Variants in CTNND2 observed in about 807,000 individuals in gnomAD.
CTNND2 encodes the protein catenin delta-2.
Under a neutral mutation model 144.4 loss-of-function variants are expected in CTNND2, and 22 were observed. That is an observed-to-expected ratio of 0.15 (90% CI 0.11 to 0.22). The LOEUF (loss-of-function observed/expected upper bound fraction) is 0.22. Ranked by LOEUF, CTNND2 falls within the 10% of genes least tolerant of loss-of-function variation. The probability of loss-of-function intolerance (pLI) is 1.00; values close to 1 mark genes in which losing one functional copy is unlikely to be tolerated. For synonymous variants in CTNND2, 751 were observed against 695.6 expected, an observed-to-expected ratio of 1.08 and a Z score of -1.25; for missense variants, 1,353 against 1,618.8, an observed-to-expected ratio of 0.84 and a Z score of 2.82.
At chr5:11,817,366 AGAGAGAGGGGGG>A (rs1793005613) in intron 1 of CTNND2, among the ~76,000 whole-genome samples, 1 of 41,846 alleles carries the variant, frequency 2.4e-5, no homozygotes, top group African/African-American at 1.1e-4. Context: ...GAGGAGAGAG[AGAGAGAGGGGGG>A]GAGAGAGGGG....
In CTNND2 at chr5:11,732,212, G is replaced by A. The variant is rs769296355; in HGVS notation, c.98C>T (p.Pro33Leu). ...SASEKTSSLS[P>L]GLNTSNGDGS... ...ATCCCCGTTGGAGGTGTTTAAGCCG[G>A]GGCTCAGGGAACTCGTCTTCTCTGA... Residue 33 changes from proline to leucine, a missense_variant, in exon 2 of 22, where the codon CCC becomes CTC. This residue lies in a region of CTNND2 where 708 missense variants were observed against 706.4 expected (regional missense o/e 1.00). Transcript: ENST00000304623. 6.2e-7 allele frequency: 1 copy of A among 1,613,978 alleles called. No individual in the cohort carries two copies. The highest frequency in any genetic ancestry group is 1.3e-5 in the African/African-American group (1 of 75,026).
Position 11,874,804 on chromosome 5 carries a change from T to C in CTNND2, c.37+29013A>G, listed in dbSNP as rs1212583967. On this transcript the variant is annotated intron_variant, in intron 1 of 21. Transcript: ENST00000304623. ...AAAATTGAGGATAAGAGGGGACTAC[T>C]GTAATGTTTAACTCACGAAATTGAT... Among the ~76,000 whole-genome samples, 5 of 152,344 alleles carry C rather than the reference T, an allele frequency of 3.3e-5. 1 individual carries two copies. The East Asian group carries it at 9.7e-4, about 29-fold the overall frequency.
chr5:11,446,870 G>A (rs549051163), intron 3 of CTNND2, among the ~76,000 whole-genome samples: 1 of 152,120 alleles, frequency 6.6e-6, no homozygotes. Flanking sequence ...AGCACTAGGA[G>A]CAGGGGAGTG....
intron 9 of CTNND2, among the ~76,000 whole-genome samples, chr5:11,277,489 G>A (rs990379188): frequency 3.4e-5 from 5 of 145,486 alleles, no homozygotes; most frequent in Admixed American, 2.8e-4. Context: ...GGTGCTTTAA[G>A]CTTTTTAAAA....
chr5:11,585,482 G>C (rs2466998), intron 2 of CTNND2, among the ~76,000 whole-genome samples: 121,366 of 150,266 alleles, frequency 0.81, 49,321 homozygotes, highest in African/African-American at 0.93. Flanking sequence ...TTTTATCTAT[G>C]TATATCTATC....
intron 8 of CTNND2, among the ~76,000 whole-genome samples, chr5:11,355,746 C>T (rs1305528925): frequency 6.6e-6 from 1 of 152,052 alleles, no homozygotes; most frequent in Non-Finnish European, 1.5e-5. Context: ...CAAATTGTCT[C>T]TGTTTGCAGA....
intron 16 of CTNND2, among the ~76,000 whole-genome samples, chr5:11,068,822 C>T (rs1747905582): frequency 6.6e-6 from 1 of 152,284 alleles, no homozygotes; most frequent in East Asian, 1.9e-4. Flanking sequence ...GGGGCTGGGG[C>T]AGGAGAATGG....
intron 3 of CTNND2, among the ~76,000 whole-genome samples, chr5:11,537,169 T>C (rs1774285308): frequency 6.6e-6 from 1 of 152,062 alleles, no homozygotes; most frequent in Non-Finnish European, 1.5e-5. Context: ...TTTTTATAGA[T>C]ACGAATTCCT....
chr5:11,096,106 T>A (rs1010282352), intron 15 of CTNND2, among the ~76,000 whole-genome samples: 2 of 152,120 alleles, frequency 1.3e-5, no homozygotes, highest in Non-Finnish European at 2.9e-5. Flanking sequence ...TAATCTTTTA[T>A]TCTGTAATCT....
In CTNND2 at chr5:11,491,472, G is replaced by A. The variant is rs1013688449; in HGVS notation, c.287+73472C>T. On this transcript the variant is annotated intron_variant, in intron 3 of 21. Transcript: ENST00000304623. ...TTTATGGAAGAGTAACTCATGTGTC[G>A]AGAAGTTAAATAATTTATTCCAGGT... Among the ~76,000 whole-genome samples, 8 of 152,242 alleles carry A rather than the reference G, an allele frequency of 5.3e-5. 1 individual carries two copies. The highest frequency in any genetic ancestry group is 2.0e-4 in the Admixed American group (3 of 15,280).
intron 1 of CTNND2, among the ~76,000 whole-genome samples, chr5:11,748,440 G>C (rs1788432855): frequency 6.6e-6 from 1 of 151,652 alleles, no homozygotes; most frequent in Non-Finnish European, 1.5e-5. Context: ...TACACTTCAG[G>C]GCTTCAAATA....
In CTNND2 at chr5:11,528,061, G is replaced by C. The variant is rs377537580; in HGVS notation, c.287+36883C>G. Among the ~76,000 whole-genome samples the C allele has an allele frequency of 3.3e-5, 5 of 152,294 alleles. No individual in the cohort carries two copies. The South Asian group carries it at 1.0e-3, about 32-fold the overall frequency. ...TGCAGTATGAGCACTCATATAAAGA[G>C]AGCCACATTTAAAAGCTCGCGGGGG... On this transcript the variant is annotated intron_variant, in intron 3 of 21. Transcript: ENST00000304623.
intron 3 of CTNND2, among the ~76,000 whole-genome samples, chr5:11,556,442 A>C (rs1015937734): frequency 6.6e-6 from 1 of 152,190 alleles, no homozygotes; most frequent in Non-Finnish European, 1.5e-5. Flanking sequence ...TTTCCTCATG[A>C]AAATTCACAT....
rs1487973542 is a variant in CTNND2 at position 11,720,146 on chromosome 5, C to T, written c.174+11990G>A. Among the ~76,000 whole-genome samples the T allele has an allele frequency of 2.0e-5, 3 of 152,158 alleles. 1 individual carries two copies. The South Asian group carries it at 6.2e-4, about 32-fold the overall frequency. ...GAATTTCCCAAAGAGACAGCAGCAACTGGCCGTACTTGAGAGTACTTCCCT... is the reference window on the plus strand; with the variant it reads ...GAATTTCCCAAAGAGACAGCAGCAATTGGCCGTACTTGAGAGTACTTCCCT... On this transcript the variant is annotated intron_variant, in intron 2 of 21. Coordinates refer to ENST00000304623, the MANE Select transcript of CTNND2 (RefSeq NM_001332.4).
intron 1 of CTNND2, among the ~76,000 whole-genome samples, chr5:11,869,092 A>C (rs1266818164): frequency 6.6e-6 from 1 of 152,190 alleles, no homozygotes; most frequent in Non-Finnish European, 1.5e-5. Flanking sequence ...AAAACATGGA[A>C]AATACGTGTT....
chr5:11,618,096 T>C (rs1484748697), intron 2 of CTNND2, among the ~76,000 whole-genome samples: 1 of 152,156 alleles, frequency 6.6e-6, no homozygotes, highest in Non-Finnish European at 1.5e-5. Flanking sequence ...GGCTTTTTTT[T>C]TTTAATACCA....
intron 8 of CTNND2, among the ~76,000 whole-genome samples, chr5:11,348,883 A>G (rs1417132877): frequency 6.6e-6 from 1 of 152,206 alleles, no homozygotes; most frequent in Non-Finnish European, 1.5e-5. Flanking sequence ...ACAGGAAGGC[A>G]ACATCTTGGT....
chr5:11,875,554 A>G (rs1735502813), intron 1 of CTNND2, among the ~76,000 whole-genome samples: 1 of 152,106 alleles, frequency 6.6e-6, no homozygotes, highest in Non-Finnish European at 1.5e-5. Flanking sequence ...TTATATTCAG[A>G]TGAGGTCGTG....
chr5:11,315,698 A>G (rs1171604379), intron 9 of CTNND2, among the ~76,000 whole-genome samples: 1 of 152,160 alleles, frequency 6.6e-6, no homozygotes, highest in Non-Finnish European at 1.5e-5. Context: ...GACTTTTGTT[A>G]TGAAAAACTC....
Sources: gnomAD v4.1 joint callset for allele counts (sites outside exome capture counted in the v4.1 genomes callset) on GRCh38, gnomAD v4.1.1 for gene constraint, gnomAD v4.1.1 regional missense constraint, MANE v1.5 for transcripts, NCBI Gene and HGNC (gene_info 2026-07-23, HGNC 2026-07-21) for gene names.